Variants in COL4A3 observed in about 807,000 individuals in gnomAD.
COL4A3 encodes the protein collagen alpha-3(IV) chain.
COL4A3 carries 135 observed loss-of-function variants against 217.4 expected under a neutral mutation model. The ratio of observed to expected loss-of-function variants is 0.62; its 90% CI spans 0.54 to 0.72. The LOEUF is 0.72. Ranked by LOEUF, COL4A3 falls within the 30% of genes least tolerant of loss-of-function variation. The pLI is 0.00. For missense variants in COL4A3, 1,868 were observed against 2,119.9 expected (o/e 0.88, Z 2.33); for synonymous variants, 690 against 736.3 (o/e 0.94, Z 1.02).
intron 31 of COL4A3, chr2:227,281,732 T>G (rs1185424874): frequency 7.9e-5 from 12 of 152,480 alleles, no homozygotes. Context: ...GTATGTCTTC[T>G]GCAGGAAACA....
intron 37 of COL4A3, among the ~76,000 whole-genome samples, chr2:227,292,738 T>G (rs149142215): frequency 1.1e-3 from 161 of 152,362 alleles, no homozygotes; most frequent in African/African-American, 3.8e-3. Context: ...TCCCAGCTAC[T>G]CATCACAATT....
chr2:227,311,724 C>T, intron 51 of COL4A3, 62 bp from the exon 52 acceptor site: 2 of 1,525,806 alleles, frequency 1.3e-6, no homozygotes, highest in Non-Finnish European at 1.8e-6. Context: ...ATAAAACAAA[C>T]TCAGCAAAAA....
At chr2:227,306,765 G>C (rs984221883) in intron 47 of COL4A3, among the ~76,000 whole-genome samples, 3 of 151,984 alleles carry the variant, frequency 2.0e-5, no homozygotes, top group African/African-American at 7.3e-5. Flanking sequence ...GATGTCCCAG[G>C]GGCAACAAAA....
intron 9 of COL4A3, among the ~76,000 whole-genome samples, chr2:227,249,236 T>A (rs1223316039): frequency 5.0e-4 from 14 of 27,964 alleles, no homozygotes; most frequent in South Asian, 1.9e-3. Flanking sequence ...ATATATTTTT[T>A]TTTTTTTTTT....
intron 1 of COL4A3, among the ~76,000 whole-genome samples, chr2:227,181,242 A>G (rs2065859200): frequency 6.6e-6 from 1 of 152,254 alleles, no homozygotes; most frequent in African/African-American, 2.4e-5. Flanking sequence ...AAGAGAAGGC[A>G]TGGAACCAGC....
At chr2:227,259,547 T>C (rs572950927) in intron 18 of COL4A3, among the ~76,000 whole-genome samples, 1 of 152,238 alleles carries the variant, frequency 6.6e-6, no homozygotes, top group African/African-American at 2.4e-5. Flanking sequence ...AGTCACATCA[T>C]AAAATGTATT....
intron 51 of COL4A3, 152 bp downstream of exon 51, chr2:227,311,100 T>C (rs1448319934): frequency 4.1e-6 from 3 of 723,260 alleles, no homozygotes; most frequent in Non-Finnish European, 7.1e-6. Flanking sequence ...ACACATTTAA[T>C]ATTTGTATAT....
chr2:227,272,819 C>A (rs2071322155), intron 25 of COL4A3, 130 bp from the exon 26 acceptor site: 1 of 1,015,248 alleles, frequency 9.8e-7, no homozygotes, highest in African/African-American at 1.6e-5. Flanking sequence ...TAATTCTCAT[C>A]AAATGCCAAA....
chr2:227,256,034 C>G lies in COL4A3; in HGVS notation c.897C>G (p.Pro299=). 6.2e-7 allele frequency: 1 copy of G among 1,613,728 alleles called. No individual in the cohort carries two copies. Among genetic ancestry groups the G allele is most frequent in the South Asian group, 1.1e-5 (1 of 91,056 alleles). Residue 299 remains proline, a synonymous_variant, in exon 16 of 52, where the codon CCC becomes CCG. Transcript: ENST00000396578. Reference sequence around the variant, plus strand: ...ATTTGTTTTTGCTGTAGGGAAAACCCGGAAAAGATGGTGTTCCTGGCTTCC... The same window carrying G: ...ATTTGTTTTTGCTGTAGGGAAAACCGGGAAAAGATGGTGTTCCTGGCTTCC... ...APGDPGLQGK[P]GKDGVPGFPG...
At chr2:227,172,581 C>CTTCT (rs2065525834) in intron 1 of COL4A3, among the ~76,000 whole-genome samples, 1 of 73,596 alleles carries the variant, frequency 1.4e-5, no homozygotes, top group Non-Finnish European at 2.4e-5. Flanking sequence ...TCGTCTTCTT[C>CTTCT]TTTTTTTTTT....
At chr2:227,165,864 C>G (rs1350559810) in intron 1 of COL4A3, among the ~76,000 whole-genome samples, 1 of 113,054 alleles carries the variant, frequency 8.8e-6, no homozygotes, top group Non-Finnish European at 1.7e-5. Flanking sequence ...CCCTCTCTGA[C>G]ACCCCCCATA....
chr2:227,304,048 A>G lies in COL4A3; in HGVS notation c.4057A>G (p.Ile1353Val), dbSNP rs779233761. The change falls in exon 46 of 52, where the codon ATT (isoleucine) becomes GTT (valine). Residue 1353 changes from isoleucine to valine, a missense_variant. Coordinates refer to ENST00000396578, the MANE Select transcript of COL4A3 (RefSeq NM_000091.5). The stretch of plus-strand genomic sequence containing the variant: ...ACGTGGAGACCCTGGCACACTTAAG[A>G]TTATCTCCCTTCCAGGAAGCCCAGG... ...GVRGDPGTLK[I>V]ISLPGSPGPP... The G allele has an allele frequency of 3.7e-6, 6 of 1,614,122 alleles. No homozygotes were observed. The highest frequency in any genetic ancestry group is 1.7e-5 in the Admixed American group (1 of 60,006).
At chr2:227,277,857 G>A (rs960387660) in intron 28 of COL4A3, among the ~76,000 whole-genome samples, 12 of 151,940 alleles carry the variant, frequency 7.9e-5, no homozygotes, top group African/African-American at 2.7e-4. Flanking sequence ...AACATTAGCC[G>A]GGTGTGGTGG....
chr2:227,246,406 A>C (rs1207622555), intron 6 of COL4A3: 3 of 530,134 alleles, frequency 5.7e-6, no homozygotes, highest in Non-Finnish European at 6.7e-6. Context: ...GCCATGAATG[A>C]ACTAATTACT....
At chr2:227,194,673 A>G (rs2066401376) in intron 1 of COL4A3, among the ~76,000 whole-genome samples, 1 of 152,252 alleles carries the variant, frequency 6.6e-6, no homozygotes, top group Non-Finnish European at 1.5e-5. Flanking sequence ...AAATTTTCTT[A>G]AATTCAAATA....
At position 227,279,778 on chromosome 2, in the gene COL4A3, G is replaced by A. The variant is rs1201306251; in HGVS notation, c.2126-15G>A. 6.4e-7 allele frequency: 1 copy of A among 1,566,704 alleles called. No individual in the cohort carries two copies. Among genetic ancestry groups the A allele is most frequent in the African/African-American group, 1.3e-5 (1 of 74,238 alleles). On this transcript the variant is annotated splice_polypyrimidine_tract_variant and intron_variant, in intron 28 of 51. Transcript: ENST00000396578. ...GACTAATCCTACAACAATGTTTATT[G>A]TTTTTTCTCTGTAGGAGACCAAGGT...
Position 227,278,122 on chromosome 2 carries a change from TTTC to T in COL4A3, c.2125+572_2125+574del, listed in dbSNP as rs1029485495. On this transcript the variant is annotated intron_variant, in intron 28 of 51. Coordinates refer to ENST00000396578, the MANE Select transcript of COL4A3 (RefSeq NM_000091.5). ...TGCCTGCACATTTCACATGTATACATTTCTTTTTTTTTTAATAAGAAAGGAACT... is the reference window on the plus strand; with the variant it reads ...TGCCTGCACATTTCACATGTATACATTTTTTTTTTTAATAAGAAAGGAACT... 1.2e-4 allele frequency among the ~76,000 whole-genome samples: 6 copies of T among 50,800 alleles called. No individual in the cohort carries two copies. The South Asian group carries it at 4.2e-3, about 36-fold the overall frequency. The allele number at this position is 50,800 out of a possible 152,430, so 33.3% of individuals were successfully genotyped here.
At position 227,193,731 on chromosome 2, in the gene COL4A3, A is replaced by AGGAGGGAGGGAAGAAG. The variant is rs1261360190; in HGVS notation, c.87+28929_87+28930insAGAAGGGAGGGAGGGA. On this transcript the variant is annotated intron_variant, in intron 1 of 51. Transcript: ENST00000396578. ...AGAAGAAAAAAGAAAGAAAGAAGGA[A>AGGAGGGAGGGAAGAAG]GGAGGGAGGGAGGGAGGGAAGGAAG... is the stretch of plus-strand genomic sequence containing the variant. Among the ~76,000 whole-genome samples, 45 of 59,624 alleles carry AGGAGGGAGGGAAGAAG rather than the reference A, an allele frequency of 7.5e-4. 2 individuals are homozygous for AGGAGGGAGGGAAGAAG. The highest frequency in any genetic ancestry group is 2.8e-3 in the African/African-American group (42 of 15,168). The allele number at this position is 59,624 out of a possible 152,430, so 39.1% of individuals were successfully genotyped here.
At chr2:227,197,715 G>A (rs2066535829) in intron 1 of COL4A3, among the ~76,000 whole-genome samples, 1 of 152,144 alleles carries the variant, frequency 6.6e-6, no homozygotes, top group Non-Finnish European at 1.5e-5. Flanking sequence ...CACCTATCTT[G>A]GAAAAGTGGA....
Sources: allele counts gnomAD v4.1 joint callset (sites outside exome capture counted in the v4.1 genomes callset), GRCh38; gene constraint gnomAD v4.1.1; transcripts MANE v1.5; gene names NCBI Gene and HGNC (gene_info 2026-07-23, HGNC 2026-07-21).